CNTNAP4: variants seen among roughly 807,000 people sequenced by gnomAD.
The protein encoded by CNTNAP4 is contactin-associated protein-like 4.
Under a neutral mutation model 148.4 loss-of-function variants are expected in CNTNAP4, and 98 were observed. The ratio of observed to expected loss-of-function variants is 0.66; its 90% CI spans 0.56 to 0.78. The LOEUF (loss-of-function observed/expected upper bound fraction) is 0.78, where lower values mean the gene tolerates loss of function less well. Ranked by LOEUF, CNTNAP4 falls within the 30% of genes least tolerant of loss-of-function variation. The probability of loss-of-function intolerance (pLI) is 0.00; values close to 1 mark genes in which losing one functional copy is unlikely to be tolerated. For synonymous variants in CNTNAP4, 730 were observed against 565.1 expected (o/e 1.29, Z -4.14); for missense variants, 1,935 against 1,565.6 (o/e 1.24, Z -3.98).
chr16:76,303,888 C>T (rs1418309439), intron 1 of CNTNAP4, among the ~76,000 whole-genome samples: 3 of 151,936 alleles, frequency 2.0e-5, no homozygotes, highest in African/African-American at 7.3e-5. Flanking sequence ...GGAAGGATAG[C>T]CATGTGGTTA....
intron 21 of CNTNAP4, among the ~76,000 whole-genome samples, chr16:76,541,929 C>T (rs1008737283): frequency 1.3e-5 from 2 of 152,174 alleles, no homozygotes; most frequent in Non-Finnish European, 2.9e-5. Flanking sequence ...GGGAGTCTCA[C>T]AGTGTTATTA....
intron 2 of CNTNAP4, among the ~76,000 whole-genome samples, chr16:76,333,382 G>A (rs1254136690): frequency 1.3e-5 from 2 of 152,248 alleles, no homozygotes; most frequent in Middle Eastern, 3.4e-3. Flanking sequence ...AAGTCCTCTA[G>A]TGAATTCATT....
intron 8 of CNTNAP4, among the ~76,000 whole-genome samples, chr16:76,455,574 A>G (rs1043882183): frequency 6.6e-6 from 1 of 152,168 alleles, no homozygotes; most frequent in Non-Finnish European, 1.5e-5. Context: ...CACCAAAGTG[A>G]TGGGTACCAA....
intron 3 of CNTNAP4, among the ~76,000 whole-genome samples, chr16:76,356,423 C>T (rs987646220): frequency 6.6e-6 from 1 of 152,062 alleles, no homozygotes; most frequent in East Asian, 1.9e-4. Context: ...TGGTGCAGCT[C>T]CTATAAGAGG....
At chr16:76,473,323 C>T (rs1324887006) in intron 10 of CNTNAP4, among the ~76,000 whole-genome samples, 1 of 152,124 alleles carries the variant, frequency 6.6e-6, no homozygotes, top group Non-Finnish European at 1.5e-5. Flanking sequence ...AGTGGTCATT[C>T]ATACACAGTG....
intron 9 of CNTNAP4, among the ~76,000 whole-genome samples, chr16:76,465,420 G>C (rs1174322322): frequency 2.0e-5 from 3 of 152,148 alleles, no homozygotes; most frequent in African/African-American, 7.2e-5. Flanking sequence ...CTCATGATAG[G>C]ATAGTATGCT....
At chr16:76,281,510 T>C (rs1206872390) in intron 1 of CNTNAP4, among the ~76,000 whole-genome samples, 3 of 152,188 alleles carry the variant, frequency 2.0e-5, no homozygotes, top group East Asian at 3.9e-4. Flanking sequence ...CAAACATAAC[T>C]TTCACATAAT....
At chr16:76,347,447 T>G (rs1406538957) in intron 2 of CNTNAP4, among the ~76,000 whole-genome samples, 1 of 152,154 alleles carries the variant, frequency 6.6e-6, no homozygotes, top group Non-Finnish European at 1.5e-5. Flanking sequence ...AGAGCTTGTA[T>G]TCTAATAAAT....
In CNTNAP4 at chr16:76,475,977, C is replaced by G. The variant is rs1022944972; in HGVS notation, c.1694C>G (p.Ser565Cys). 6.2e-7 allele frequency: 1 copy of G among 1,613,736 alleles called. No homozygotes were observed. The highest frequency in any genetic ancestry group is 8.5e-7 in the Non-Finnish European group (1 of 1,179,806). The part of the protein sequence containing the change: ...PNYCEHGGEC[S>C]QSWSTFHCNC... Reference sequence around the variant, plus strand: ...TATTGTGAACACGGTGGGGAGTGTTCCCAGTCCTGGAGCACCTTTCATTGT... The same window carrying G: ...TATTGTGAACACGGTGGGGAGTGTTGCCAGTCCTGGAGCACCTTTCATTGT... Residue 565 changes from serine to cysteine, a missense_variant, in exon 11 of 24, where the codon TCC becomes TGC. Coordinates refer to ENST00000611870, the MANE Select transcript of CNTNAP4 (RefSeq NM_033401.5).
chr16:76,316,513 T>C lies in CNTNAP4; in HGVS notation c.186T>C (p.Asn62=), dbSNP rs372409854. 9.9e-6 allele frequency: 16 copies of C among 1,611,210 alleles called. No individual in the cohort carries two copies. The East Asian group carries it at 3.3e-4, about 34-fold the overall frequency. Residue 62 remains asparagine, a synonymous_variant, in exon 2 of 24, where the codon AAT becomes AAC. Coordinates refer to ENST00000611870, the MANE Select transcript of CNTNAP4 (RefSeq NM_033401.5). ...ATGGTCCTGGATTTGCAAGGCTGAA[T>C]AGAAGAGATGGTAAGTCTGCTTTTC... ...SSHGPGFARL[N]RRDGAGGWSP...
chr16:76,506,810 C>T (rs1299386612), intron 15 of CNTNAP4, among the ~76,000 whole-genome samples: 1 of 95,382 alleles, frequency 1.0e-5, no homozygotes. Context: ...ATGCTGCTGC[C>T]GGTCCATGGA....
chr16:76,470,483 A>ATATT (rs1568304172), intron 10 of CNTNAP4, among the ~76,000 whole-genome samples: 1,233 of 13,080 alleles, frequency 0.094, 115 homozygotes, highest in African/African-American at 0.17. Context: ...TCTACTAATA[A>ATATT]TATATATATA....
intron 2 of CNTNAP4, among the ~76,000 whole-genome samples, chr16:76,349,749 A>T (rs1965218797): frequency 2.0e-5 from 3 of 152,132 alleles, no homozygotes; most frequent in African/African-American, 7.2e-5. Context: ...TAGAACCATC[A>T]TTCAATTATG....
chr16:76,301,632 G>C (rs7200275), intron 1 of CNTNAP4, among the ~76,000 whole-genome samples: 3,763 of 152,212 alleles, frequency 0.025, 160 homozygotes, highest in African/African-American at 0.085. Context: ...TTTTACTGGC[G>C]TGGTCCAGGT....
At chr16:76,496,709 C>T (rs181142931) in intron 14 of CNTNAP4, among the ~76,000 whole-genome samples, 56 of 152,196 alleles carry the variant, frequency 3.7e-4, no homozygotes, top group African/African-American at 1.3e-3. Flanking sequence ...AAAATGAAAT[C>T]TTTAAAGAAT....
intron 1 of CNTNAP4, among the ~76,000 whole-genome samples, chr16:76,293,038 C>G (rs1959168250): frequency 6.6e-6 from 1 of 152,172 alleles, no homozygotes; most frequent in Admixed American, 6.5e-5. Context: ...TTACCTCACT[C>G]TTTCTTAGAC....
chr16:76,541,131 A>C (rs1046426661), intron 21 of CNTNAP4, among the ~76,000 whole-genome samples: 2 of 152,252 alleles, frequency 1.3e-5, no homozygotes, highest in African/African-American at 2.4e-5. Context: ...TGCCAAATAT[A>C]CAAACTTTCC....
intron 15 of CNTNAP4, among the ~76,000 whole-genome samples, chr16:76,511,012 T>C (rs1202928655): frequency 6.6e-6 from 1 of 152,282 alleles, no homozygotes; most frequent in South Asian, 2.1e-4. Flanking sequence ...ATGTTGTTCA[T>C]TTGGTATTAC....
At chr16:76,475,736 A>T (rs960027981) in intron 10 of CNTNAP4, among the ~76,000 whole-genome samples, 2 of 152,216 alleles carry the variant, frequency 1.3e-5, no homozygotes, top group Admixed American at 1.3e-4. Flanking sequence ...AGCAGTCACA[A>T]CTATCTGAGA....
Sources: allele counts gnomAD v4.1 joint callset (sites outside exome capture counted in the v4.1 genomes callset), GRCh38; gene constraint gnomAD v4.1.1; transcripts MANE v1.5; gene names NCBI Gene and HGNC (gene_info 2026-07-23, HGNC 2026-07-21).